TMTC4: variants seen among roughly 807,000 people sequenced by gnomAD.
TMTC4 encodes the protein protein O-mannosyl-transferase TMTC4.
TMTC4 carries 65 observed loss-of-function variants against 86.0 expected under a neutral mutation model. That is an observed-to-expected ratio of 0.76 (90% CI 0.62 to 0.93). The LOEUF is 0.93. Among genes scored for constraint, TMTC4 ranks in the 40% least tolerant of loss-of-function variants. The probability of loss-of-function intolerance (pLI) is 0.00; values close to 1 mark genes in which losing one functional copy is unlikely to be tolerated. For missense variants in TMTC4, 866 were observed against 948.1 expected, an observed-to-expected ratio of 0.91 and a Z score of 1.14; for synonymous variants, 379 against 382.5, an observed-to-expected ratio of 0.99 and a Z score of 0.11.
intron 12 of TMTC4, among the ~76,000 whole-genome samples, chr13:100,634,243 CA>C (rs1171215654): frequency 6.6e-6 from 1 of 151,952 alleles, no homozygotes; most frequent in Non-Finnish European, 1.5e-5. Flanking sequence ...ACTGTATGTA[CA>C]TTTATGTTTA....
chr13:100,604,247 T>A lies in TMTC4; in HGVS notation c.*747A>T, dbSNP rs1876241376. The A allele has an allele frequency of 6.6e-6, 1 of 152,638 alleles. No homozygotes were observed. The highest frequency in any genetic ancestry group is 1.5e-5 in the Non-Finnish European group (1 of 68,042). 9.5% of individuals were successfully genotyped at this position (152,638 alleles called of 1,614,324 possible). On this transcript the variant is annotated 3_prime_UTR_variant, in exon 19 of 19. Coordinates refer to ENST00000342624, the MANE Select transcript of TMTC4 (RefSeq NM_032813.5). ...CTTGGATGTAACAAAAATAAAGATGTGAGGCTGCCTGCTCTTGCCTAAAGC... is the reference window on the plus strand; with the variant it reads ...CTTGGATGTAACAAAAATAAAGATGAGAGGCTGCCTGCTCTTGCCTAAAGC...
chr13:100,630,900 G>A (rs950775931), intron 12 of TMTC4, among the ~76,000 whole-genome samples: 12 of 152,244 alleles, frequency 7.9e-5, no homozygotes, highest in Non-Finnish European at 1.6e-4. Flanking sequence ...TACAGCCTTA[G>A]AAGGCAGGCC....
At chr13:100,674,396 G>A in intron 1 of TMTC4, 3 of 948,874 alleles carry the variant, frequency 3.2e-6, no homozygotes, top group East Asian at 1.2e-4. Flanking sequence ...CGCCGGGTGC[G>A]CCCGGGCCGA....
At chr13:100,669,569 CATA>C (rs1238925209) in intron 2 of TMTC4, among the ~76,000 whole-genome samples, 34 of 152,268 alleles carry the variant, frequency 2.2e-4, no homozygotes, top group African/African-American at 7.7e-4. Context: ...TTCAAATGGG[CATA>C]ATGTTTCTCG....
At chr13:100,674,229 TAGCAGGCGCTCGCGGCGCGGCGG>T in intron 1 of TMTC4, 8 of 979,206 alleles carry the variant, frequency 8.2e-6, no homozygotes, top group Non-Finnish European at 9.7e-6. Flanking sequence ...GAGCGTGGAG[TAGCAGGCGCTCGCGGCGCGGCGG>T]GGGAGCCGCC....
chr13:100,674,311 G>C, intron 1 of TMTC4: 1 of 978,970 alleles, frequency 1.0e-6, no homozygotes, highest in Non-Finnish European at 1.2e-6. Flanking sequence ...TCCAGCCATC[G>C]CCTGCGCCGC....
intron 7 of TMTC4, among the ~76,000 whole-genome samples, chr13:100,639,514 C>T (rs1210109020): frequency 1.4e-4 from 22 of 152,234 alleles, no homozygotes; most frequent in Admixed American, 1.1e-3. Flanking sequence ...GAGCCAAACA[C>T]AAGACTGCCC....
At chr13:100,674,384 G>T (rs1467344324) in intron 1 of TMTC4, 1 of 962,444 alleles carries the variant, frequency 1.0e-6, no homozygotes, top group African/African-American at 1.8e-5. Context: ...ACGCGCCGCA[G>T]GCGCCGGGTG....
intron 12 of TMTC4, among the ~76,000 whole-genome samples, chr13:100,632,053 A>ACACACTCTCTCTCTCTCTCTCTCTCT (rs1296569630): frequency 2.3e-5 from 1 of 43,108 alleles, no homozygotes; most frequent in Non-Finnish European, 4.7e-5. Flanking sequence ...ACACACACAC[A>ACACACTCTCTCTCTCTCTCTCTCTCT]CTCTCTCTCT....
chr13:100,611,132 G>C (rs890539642), intron 17 of TMTC4, among the ~76,000 whole-genome samples: 2 of 152,216 alleles, frequency 1.3e-5, no homozygotes, highest in African/African-American at 4.8e-5. Context: ...AATAACACTG[G>C]ACAGATATTA....
At chr13:100,634,741 C>T (rs1198542171) in intron 12 of TMTC4, 64 bp downstream of exon 12, 1 of 1,549,112 alleles carries the variant, frequency 6.5e-7, no homozygotes, top group Non-Finnish European at 8.7e-7. Flanking sequence ...TGTTCTTATT[C>T]AGCCCAAGAA....
intron 1 of TMTC4, chr13:100,673,421 T>C (rs747437580): frequency 1.1e-6 from 1 of 933,202 alleles, no homozygotes; most frequent in Non-Finnish European, 1.3e-6. Flanking sequence ...ACCTCATCTG[T>C]AACATTCAAT....
intron 12 of TMTC4, among the ~76,000 whole-genome samples, chr13:100,630,053 G>A (rs200233781): frequency 3.0e-5 from 4 of 133,898 alleles, no homozygotes; most frequent in African/African-American, 1.0e-4. Context: ...GTGTGTGTGT[G>A]TGTGTGTGTG....
At chr13:100,661,536 T>C (rs998753443) in intron 5 of TMTC4, among the ~76,000 whole-genome samples, 1 of 152,220 alleles carries the variant, frequency 6.6e-6, no homozygotes, top group Non-Finnish European at 1.5e-5. Flanking sequence ...ATGGCTGCAC[T>C]ATATCTGGGT....
At chr13:100,632,257 T>G (rs1447962090) in intron 12 of TMTC4, among the ~76,000 whole-genome samples, 2 of 152,138 alleles carry the variant, frequency 1.3e-5, no homozygotes, top group Non-Finnish European at 2.9e-5. Context: ...CCATACCAGG[T>G]CTCTCTGTAG....
At chr13:100,639,639 T>C (rs1566605732) in intron 7 of TMTC4, among the ~76,000 whole-genome samples, 1 of 152,348 alleles carries the variant, frequency 6.6e-6, no homozygotes, top group Middle Eastern at 3.4e-3. Context: ...CTCCTGCTCC[T>C]GAAAAACGGC....
chr13:100,606,352 TC>T lies in TMTC4; in HGVS notation c.2134+5del. 1 of 1,613,150 alleles carries T rather than the reference TC, an allele frequency of 6.2e-7. No homozygotes were observed. The highest frequency in any genetic ancestry group is 2.2e-5 in the East Asian group (1 of 44,870). On this transcript the variant is annotated splice_donor_5th_base_variant and intron_variant, in intron 18 of 18. Transcript: ENST00000342624. ...CAACACGATTCAAGTTGAACATTTT[TC>T]TTACCCAAATTACCATGGTAACTTG...
chr13:100,629,858 T>TGTGTGCACAGAAGACACACCAC (rs1881087747), intron 12 of TMTC4, among the ~76,000 whole-genome samples: 1 of 151,950 alleles, frequency 6.6e-6, no homozygotes, highest in South Asian at 2.1e-4. Context: ...ACCAGAGATA[T>TGTGTGCACAGAAGACACACCAC]GTGTGCACAG....
At position 100,626,139 on chromosome 13, in the gene TMTC4, G is replaced by A. The variant is rs2138812034; in HGVS notation, c.1518C>T (p.Asn506=). Residue 506 remains asparagine, a synonymous_variant, in exon 13 of 19, where the codon AAC becomes AAT. Coordinates refer to ENST00000342624, the MANE Select transcript of TMTC4 (RefSeq NM_032813.5). ...VCPLNAKVHY[N]IGKNLADKGN... is the part of the protein sequence containing the mutation. Reference sequence around the variant, plus strand: ...CTTTATCAGCCAGGTTTTTGCCAATGTTGTAGTGAACCTGCAGACAGAGAA... The same window carrying A: ...CTTTATCAGCCAGGTTTTTGCCAATATTGTAGTGAACCTGCAGACAGAGAA... The A allele has an allele frequency of 6.2e-7, 1 of 1,614,190 alleles. No individual in the cohort carries two copies. Among genetic ancestry groups the A allele is most frequent in the East Asian group, 2.2e-5 (1 of 44,882 alleles).
Sources: allele counts gnomAD v4.1 joint callset (sites outside exome capture counted in the v4.1 genomes callset), GRCh38; gene constraint gnomAD v4.1.1; transcripts MANE v1.5; gene names NCBI Gene and HGNC (gene_info 2026-07-23, HGNC 2026-07-21).